The following MTO1 variants were observed in gnomAD, a reference collection of about 807,000 sequenced individuals.
MTO1 encodes mitochondrial tRNA translation optimization 1, also known as 5-taurinomethyluridine-[tRNA] synthase subunit MTO1, mitochondrial.
Under a neutral mutation model 71.6 loss-of-function variants are expected in MTO1, and 46 were observed. The observed-to-expected ratio is 0.64, with a 90% confidence interval of 0.51 to 0.82. MTO1 has a LOEUF of 0.82. Ranked by LOEUF, MTO1 falls within the 40% of genes least tolerant of loss-of-function variation. The pLI is 0.00. For synonymous variants in MTO1, 297 were observed against 312.1 expected, an observed-to-expected ratio of 0.95 and a Z score of 0.51; for missense variants, 773 against 867.5, an observed-to-expected ratio of 0.89 and a Z score of 1.37.
chr6:73,486,734 T>C (rs776132248), intron 9 of MTO1: 23 of 255,810 alleles, frequency 9.0e-5, no homozygotes, highest in Non-Finnish European at 1.8e-4. Context: ...GTGAGACTTC[T>C]CTCAAAAAAA....
At chr6:73,481,914 T>C in intron 7 of MTO1, 126 bp from the exon 8 acceptor site, 1 of 925,314 alleles carries the variant, frequency 1.1e-6, no homozygotes, top group Admixed American at 2.1e-5. Flanking sequence ...CTACCTCTAT[T>C]ATATCCCTTA....
At chr6:73,496,573 T>C (rs906429900) in intron 10 of MTO1, among the ~76,000 whole-genome samples, 6 of 151,682 alleles carry the variant, frequency 4.0e-5, no homozygotes, top group African/African-American at 1.2e-4. Flanking sequence ...CATGCTGGTG[T>C]GCTGCACCCA....
intron 3 of MTO1, 37 bp from the exon 4 acceptor site, chr6:73,473,328 A>G (rs754767325): frequency 1.1e-5 from 17 of 1,546,238 alleles, no homozygotes; most frequent in Non-Finnish European, 1.3e-5. Context: ...ACATAGATAC[A>G]TAGATAATGA....
At chr6:73,492,605 T>A (rs1039239518) in intron 10 of MTO1, 2 of 334,298 alleles carry the variant, frequency 6.0e-6, no homozygotes, top group Non-Finnish European at 1.2e-5. Context: ...AGCCTGGGCA[T>A]TCCGGACCAG....
chr6:73,490,171 T>C (rs1771766749), intron 9 of MTO1, among the ~76,000 whole-genome samples: 1 of 152,218 alleles, frequency 6.6e-6, no homozygotes, highest in Non-Finnish European at 1.5e-5. Context: ...TTAAGTTCTT[T>C]ATAGATTCTG....
intron 3 of MTO1, among the ~76,000 whole-genome samples, chr6:73,472,780 A>T: frequency 6.6e-6 from 1 of 152,192 alleles, no homozygotes. Flanking sequence ...TATGGGTATC[A>T]TCACAGAAGG....
chr6:73,467,712 T>C (rs1258776986), intron 3 of MTO1, among the ~76,000 whole-genome samples: 1 of 152,164 alleles, frequency 6.6e-6, no homozygotes, highest in Non-Finnish European at 1.5e-5. Context: ...ACTTCAGCTT[T>C]TTTAGTTGTC....
In MTO1 at chr6:73,506,977, A is replaced by C. The variant is rs1345537608; in HGVS notation, c.*6242A>C. ...GTGGGTGGATGACCTCTGGGATTAC[A>C]GGCGTGCGCCACCGCGCTCGGTCTA... On this transcript the variant is annotated 3_prime_UTR_variant, in exon 12 of 12. Coordinates refer to ENST00000498286, the MANE Select transcript of MTO1 (RefSeq NM_012123.4). 1 of 81,434 alleles carries C rather than the reference A, an allele frequency of 1.2e-5. No individual in the cohort carries two copies. The highest frequency in any genetic ancestry group is 2.7e-5 in the Non-Finnish European group (1 of 36,864). The allele number at this position is 81,434 out of a possible 1,614,324, so 5.0% of individuals were successfully genotyped here.
chr6:73,472,307 A>G (rs185861647), intron 3 of MTO1, among the ~76,000 whole-genome samples: 4 of 152,212 alleles, frequency 2.6e-5, no homozygotes, highest in Non-Finnish European at 4.4e-5. Flanking sequence ...TTTTGGTTTT[A>G]TACCTTTTTT....
intron 7 of MTO1, 146 bp downstream of exon 7, chr6:73,480,951 G>T: frequency 1.5e-6 from 1 of 686,720 alleles, no homozygotes; most frequent in Non-Finnish European, 2.2e-6. Flanking sequence ...TTTGGAGATG[G>T]CTTTTGTAGA....
intron 10 of MTO1, among the ~76,000 whole-genome samples, chr6:73,494,507 C>T (rs1771927031): frequency 6.8e-6 from 1 of 146,388 alleles, no homozygotes; most frequent in South Asian, 2.1e-4. Flanking sequence ...GACGGAGTCT[C>T]GCTTTGTCGC....
At chr6:73,463,455 A>G (rs1442650390) in intron 1 of MTO1, among the ~76,000 whole-genome samples, 1 of 152,098 alleles carries the variant, frequency 6.6e-6, no homozygotes, top group Non-Finnish European at 1.5e-5. Flanking sequence ...TAGCATCATG[A>G]TAGATACTAG....
At chr6:73,463,959 T>TC (rs1389138365) in intron 1 of MTO1, 3 of 152,064 alleles carry the variant, frequency 2.0e-5, no homozygotes, top group Non-Finnish European at 4.4e-5. Context: ...CAGGCTGGTC[T>TC]CCAACTCCTG....
chr6:73,470,781 C>T (rs569194503), intron 3 of MTO1, among the ~76,000 whole-genome samples: 8 of 152,162 alleles, frequency 5.3e-5, no homozygotes, highest in South Asian at 2.1e-4. Context: ...TGGCGAAACT[C>T]GTCTCTACTA....
chr6:73,466,618 T>G lies in MTO1; in HGVS notation c.535+12T>G. ...TGGGGTTGTTTTGGGTACGTATTGG[T>G]TATAGATGGTGTATGATAACAGCAT... On this transcript the variant is annotated intron_variant, in intron 3 of 11. Coordinates refer to ENST00000498286, the MANE Select transcript of MTO1 (RefSeq NM_012123.4). The G allele has an allele frequency of 6.3e-7, 1 of 1,595,468 alleles. No individual in the cohort carries two copies. The highest frequency in any genetic ancestry group is 8.6e-7 in the Non-Finnish European group (1 of 1,163,176).
Position 73,464,246 on chromosome 6 carries a change from G to A in MTO1, c.218-1963G>A, listed in dbSNP as rs530573356. ...TCACGCTTGTAATCCCAGCATTTGG[G>A]GAGCCCAGGAGTCTTCTATTTCAAA... On this transcript the variant is annotated intron_variant, in intron 1 of 11. Coordinates refer to ENST00000498286, the MANE Select transcript of MTO1 (RefSeq NM_012123.4). The A allele has an allele frequency of 2.6e-5, 4 of 152,228 alleles. No individual in the cohort carries two copies. The East Asian group carries it at 5.8e-4, about 22-fold the overall frequency. 9.4% of individuals were successfully genotyped at this position (152,228 alleles called of 1,614,324 possible). A position where few individuals can be genotyped will look rare whatever the true frequency, so the allele number is the denominator to read the frequency against.
chr6:73,491,946 C>T (rs1258020562), intron 9 of MTO1: 4 of 244,758 alleles, frequency 1.6e-5, no homozygotes, highest in Admixed American at 4.9e-5. Context: ...ACTAAAAATA[C>T]AAAAAAATAG....
intron 11 of MTO1, among the ~76,000 whole-genome samples, chr6:73,499,702 A>C (rs184755668): frequency 6.6e-6 from 1 of 152,154 alleles, no homozygotes; most frequent in South Asian, 2.1e-4. Context: ...GTTGGACAGC[A>C]CTGGTCATAG....
chr6:73,494,631 CA>C (rs1163226951), intron 10 of MTO1, among the ~76,000 whole-genome samples: 1 of 151,916 alleles, frequency 6.6e-6, no homozygotes, highest in East Asian at 1.9e-4. Flanking sequence ...CATGCACCAC[CA>C]CGCCTGGCTA....
Sources: allele counts gnomAD v4.1 joint callset (sites outside exome capture counted in the v4.1 genomes callset), GRCh38; gene constraint gnomAD v4.1.1; transcripts MANE v1.5; gene names NCBI Gene and HGNC (gene_info 2026-07-23, HGNC 2026-07-21).